Variants in CSMD1 observed in about 807,000 individuals in gnomAD.
CSMD1 encodes the protein CUB and sushi domain-containing protein 1.
CSMD1 carries 213 observed loss-of-function variants against 417.5 expected under a neutral mutation model. That is an observed-to-expected ratio of 0.51 (90% CI 0.46 to 0.57). CSMD1 has a LOEUF of 0.57. Among genes scored for constraint, CSMD1 ranks in the 20% least tolerant of loss-of-function variants. The pLI is 0.00. For missense variants in CSMD1, 6,923 were observed against 4,529.7 expected (o/e 1.53, Z -15.17); for synonymous variants, 2,862 against 1,736.8 (o/e 1.65, Z -16.11).
At chr8:3,183,595 T>C (rs1054329573) in intron 36 of CSMD1, among the ~76,000 whole-genome samples, 83 of 134,922 alleles carry the variant, frequency 6.2e-4, no homozygotes, top group Middle Eastern at 8.8e-3. Flanking sequence ...ATCCCTGAAA[T>C]ATCGAGTAGG....
At chr8:4,404,185 A>C (rs1027756295) in intron 3 of CSMD1, among the ~76,000 whole-genome samples, 1 of 152,156 alleles carries the variant, frequency 6.6e-6, no homozygotes, top group African/African-American at 2.4e-5. Context: ...ATTGAAACTC[A>C]ACCTATAGCC....
At chr8:3,861,696 G>A (rs770818924) in intron 5 of CSMD1, among the ~76,000 whole-genome samples, 1 of 152,018 alleles carries the variant, frequency 6.6e-6, no homozygotes, top group Non-Finnish European at 1.5e-5. Context: ...TTTTTTGTTT[G>A]GTTTGGTTTT....
At chr8:4,082,850 T>A (rs1800213554) in intron 3 of CSMD1, among the ~76,000 whole-genome samples, 1 of 146,984 alleles carries the variant, frequency 6.8e-6, no homozygotes, top group South Asian at 2.2e-4. Context: ...CACCTATGAG[T>A]GGGAACATGC....
chr8:3,928,760 T>A (rs985937802), intron 5 of CSMD1, among the ~76,000 whole-genome samples: 2 of 149,532 alleles, frequency 1.3e-5, no homozygotes, highest in South Asian at 2.2e-4. Context: ...AAATCAAAGG[T>A]GGTCCAGATC....
intron 3 of CSMD1, among the ~76,000 whole-genome samples, chr8:4,416,495 G>C (rs556129038): frequency 2.0e-5 from 3 of 152,062 alleles, no homozygotes; most frequent in African/African-American, 7.2e-5. Flanking sequence ...TTAGACTTTA[G>C]AACCAAAATA....
rs138250642 is a variant in CSMD1, at chr8:4,262,371, G to A, written c.415+157582C>T. ...CTGGGATTCCCAGGACACATAAGCA[G>A]GCTGAAAGGAATCCCAAACCAGAAT... On this transcript the variant is annotated intron_variant, in intron 3 of 69. Coordinates refer to ENST00000635120, the MANE Select transcript of CSMD1 (RefSeq NM_033225.6). 5.6e-3 allele frequency among the ~76,000 whole-genome samples: 847 copies of A among 152,248 alleles called. 8 individuals carry two copies. The highest frequency in any genetic ancestry group is 0.019 in the African/African-American group (808 of 41,544).
chr8:3,162,959 T>C (rs1585522702), intron 37 of CSMD1, among the ~76,000 whole-genome samples: 1 of 152,188 alleles, frequency 6.6e-6, no homozygotes, highest in Admixed American at 6.5e-5. Flanking sequence ...AAACGAATTC[T>C]AAAACACTGA....
At chr8:2,959,694 C>T (rs1004971394) in intron 62 of CSMD1, among the ~76,000 whole-genome samples, 1 of 152,130 alleles carries the variant, frequency 6.6e-6, no homozygotes, top group South Asian at 2.1e-4. Flanking sequence ...CATAGCCTAA[C>T]ACAGGGACAT....
At chr8:3,177,114 AGAGAC>A (rs1462741325) in intron 37 of CSMD1, among the ~76,000 whole-genome samples, 1 of 152,148 alleles carries the variant, frequency 6.6e-6, no homozygotes. Context: ...CTCCCCCAGA[AGAGAC>A]GAGAGCCGCA....
At chr8:3,509,825 G>A (rs78399932) in intron 10 of CSMD1, among the ~76,000 whole-genome samples, 3,257 of 152,228 alleles carry the variant, frequency 0.021, 119 homozygotes, top group African/African-American at 0.072. Flanking sequence ...CCAGGTGTGA[G>A]GCTAGCTGTT....
At position 3,160,382 on chromosome 8, in the gene CSMD1, C is replaced by G. The variant is rs188273414; in HGVS notation, c.5844+1777G>C. On this transcript the variant is annotated intron_variant, in intron 38 of 69. Coordinates refer to ENST00000635120, the MANE Select transcript of CSMD1 (RefSeq NM_033225.6). ...AAGCAATCCTCTGACTTTGGAATCC[C>G]AAAGTGCTGGGATTACAGGTGTGAG... Among the ~76,000 whole-genome samples the G allele has an allele frequency of 2.8e-3, 421 of 152,260 alleles. 9 individuals are homozygous for G. Among genetic ancestry groups the G allele is most frequent in the African/African-American group, 9.7e-3 (402 of 41,546 alleles).
intron 2 of CSMD1, among the ~76,000 whole-genome samples, chr8:4,580,592 C>T (rs758386162): frequency 6.6e-6 from 1 of 152,116 alleles, no homozygotes; most frequent in African/African-American, 2.4e-5. Flanking sequence ...CCTCTTCCAT[C>T]TCACCCATAA....
At chr8:4,365,381 T>C (rs1332454115) in intron 3 of CSMD1, among the ~76,000 whole-genome samples, 1 of 152,198 alleles carries the variant, frequency 6.6e-6, no homozygotes, top group African/African-American at 2.4e-5. Flanking sequence ...CATTTCTGTA[T>C]TTTAGGTGTT....
intron 8 of CSMD1, among the ~76,000 whole-genome samples, chr8:3,592,015 A>G (rs1332106615): frequency 6.6e-6 from 1 of 152,134 alleles, no homozygotes; most frequent in African/African-American, 2.4e-5. Flanking sequence ...GATGATAGGT[A>G]GATAGATACA....
intron 2 of CSMD1, among the ~76,000 whole-genome samples, chr8:4,519,127 G>A (rs1483612610): frequency 6.6e-6 from 1 of 152,014 alleles, no homozygotes; most frequent in African/African-American, 2.4e-5. Flanking sequence ...GACGCTAATA[G>A]TATTTTACAT....
chr8:4,668,415 CATTATT>C (rs35735246), intron 1 of CSMD1, among the ~76,000 whole-genome samples: 6,572 of 129,926 alleles, frequency 0.051, 162 homozygotes, highest in Middle Eastern at 0.089. Context: ...TGATGTTTTC[CATTATT>C]ATTATTATTA....
At chr8:4,439,356 G>C (rs1585076373) in intron 2 of CSMD1, among the ~76,000 whole-genome samples, 1 of 152,118 alleles carries the variant, frequency 6.6e-6, no homozygotes, top group Non-Finnish European at 1.5e-5. Flanking sequence ...AAGAAATTGT[G>C]AGATATTACT....
At chr8:4,978,735 C>G (rs1470724070) in intron 1 of CSMD1, among the ~76,000 whole-genome samples, 1 of 152,014 alleles carries the variant, frequency 6.6e-6, no homozygotes, top group African/African-American at 2.4e-5. Flanking sequence ...GTCAGTAGTT[C>G]GAGACCAGCC....
intron 5 of CSMD1, among the ~76,000 whole-genome samples, chr8:3,834,333 G>A (rs1464522874): frequency 2.0e-5 from 3 of 152,076 alleles, no homozygotes; most frequent in Non-Finnish European, 2.9e-5. Flanking sequence ...CTTACTCACT[G>A]CTTATAGGTA....
Sources: allele counts gnomAD v4.1 joint callset (sites outside exome capture counted in the v4.1 genomes callset), GRCh38; gene constraint gnomAD v4.1.1; transcripts MANE v1.5; gene names NCBI Gene and HGNC (gene_info 2026-07-23, HGNC 2026-07-21).